CTNNA3: variants seen among roughly 807,000 people sequenced by gnomAD.
The protein encoded by CTNNA3 is catenin alpha 3.
Under a neutral mutation model 95.7 loss-of-function variants are expected in CTNNA3, and 76 were observed. That is an observed-to-expected ratio of 0.79 (90% CI 0.66 to 0.96). The LOEUF (loss-of-function observed/expected upper bound fraction) is 0.96. Among genes scored for constraint, CTNNA3 ranks in the 40% least tolerant of loss-of-function variants. The pLI, the probability that CTNNA3 is intolerant of heterozygous loss-of-function variation, is 0.00. For missense variants in CTNNA3, 1,191 were observed against 1,089.8 expected (o/e 1.09, Z -1.31); for synonymous variants, 431 against 374.4 (o/e 1.15, Z -1.74).
intron 13 of CTNNA3, among the ~76,000 whole-genome samples, chr10:66,136,496 A>C (rs1589516730): frequency 7.9e-6 from 1 of 126,210 alleles, no homozygotes; most frequent in South Asian, 3.4e-4. Flanking sequence ...TAATTTCTTC[A>C]CTTTTTTTTT....
chr10:66,246,935 C>A (rs1352054828), intron 13 of CTNNA3, among the ~76,000 whole-genome samples: 1 of 151,554 alleles, frequency 6.6e-6, no homozygotes, highest in Admixed American at 6.6e-5. Flanking sequence ...TGCCTGTAGT[C>A]CCAGTTACTC....
At chr10:66,774,453 C>G (rs918562466) in intron 8 of CTNNA3, among the ~76,000 whole-genome samples, 8 of 152,108 alleles carry the variant, frequency 5.3e-5, no homozygotes, top group African/African-American at 1.9e-4. Context: ...TCCATGATTA[C>G]AAGTGTAAAT....
intron 7 of CTNNA3, among the ~76,000 whole-genome samples, chr10:67,175,788 T>C (rs889057922): frequency 2.0e-4 from 31 of 152,244 alleles, no homozygotes; most frequent in African/African-American, 7.5e-4. Context: ...CCCAGAAAAA[T>C]ATCCATGCTT....
chr10:66,547,343 C>CTTTATTTTTTTTTTTTTTTTTTTTTTTT (rs1246714246), intron 10 of CTNNA3, among the ~76,000 whole-genome samples: 1 of 83,132 alleles, frequency 1.2e-5, no homozygotes, highest in Non-Finnish European at 2.2e-5. Context: ...ATTTTTCTTT[C>CTTTATTTTTTTTTTTTTTTTTTTTTTTT]TTTCTTTTTT....
At chr10:66,831,358 A>G (rs1589305401) in intron 7 of CTNNA3, among the ~76,000 whole-genome samples, 1 of 152,174 alleles carries the variant, frequency 6.6e-6, no homozygotes, top group Non-Finnish European at 1.5e-5. Flanking sequence ...TGACTTTTCA[A>G]ATTTCTTAAT....
chr10:67,007,959 A>G (rs1293316527), intron 7 of CTNNA3, among the ~76,000 whole-genome samples: 2 of 152,028 alleles, frequency 1.3e-5, no homozygotes, highest in Non-Finnish European at 2.9e-5. Flanking sequence ...GACTCAAGCT[A>G]CCCACACTAT....
intron 1 of CTNNA3, among the ~76,000 whole-genome samples, chr10:67,703,889 C>G (rs1468029023): frequency 6.6e-6 from 1 of 152,212 alleles, no homozygotes; most frequent in East Asian, 1.9e-4. Flanking sequence ...ACTGTCTCAG[C>G]CCTAAATCTC....
At chr10:66,831,455 T>C (rs1307993047) in intron 7 of CTNNA3, among the ~76,000 whole-genome samples, 2 of 152,206 alleles carry the variant, frequency 1.3e-5, no homozygotes, top group African/African-American at 4.8e-5. Flanking sequence ...AAGCTTTCAC[T>C]CCACTAACTT....
intron 7 of CTNNA3, among the ~76,000 whole-genome samples, chr10:67,007,017 A>G (rs1259221540): frequency 6.6e-6 from 1 of 152,036 alleles, no homozygotes; most frequent in Non-Finnish European, 1.5e-5. Flanking sequence ...GCTGTTCTTG[A>G]ACTCCTGACC....
At chr10:67,488,379 T>C (rs1246355678) in intron 5 of CTNNA3, among the ~76,000 whole-genome samples, 1 of 152,170 alleles carries the variant, frequency 6.6e-6, no homozygotes, top group East Asian at 1.9e-4. Flanking sequence ...GATTTCTTTC[T>C]TCTTTTTGAG....
chr10:66,648,099 A>T (rs1845768296), intron 9 of CTNNA3, among the ~76,000 whole-genome samples: 1 of 152,020 alleles, frequency 6.6e-6, no homozygotes. Flanking sequence ...TTTCCATCCC[A>T]TTGGCCCTGC....
At chr10:67,726,590 ATAT>A (rs1489460815) in intron 1 of CTNNA3, among the ~76,000 whole-genome samples, 13 of 36,696 alleles carry the variant, frequency 3.5e-4, no homozygotes, top group Admixed American at 5.0e-4. Context: ...ATAATATGTA[ATAT>A]TATATTACAT....
chr10:66,882,225 C>T (rs1173222992), intron 7 of CTNNA3, among the ~76,000 whole-genome samples: 1 of 152,060 alleles, frequency 6.6e-6, no homozygotes, highest in Non-Finnish European at 1.5e-5. Context: ...TTACACTAAT[C>T]CTGATCAGGC....
intron 17 of CTNNA3, among the ~76,000 whole-genome samples, chr10:65,943,732 A>G (rs2077466069): frequency 6.6e-6 from 1 of 152,224 alleles, no homozygotes; most frequent in Admixed American, 6.5e-5. Context: ...TGGAGTCAGT[A>G]AGCAGTGCAA....
intron 2 of CTNNA3, among the ~76,000 whole-genome samples, chr10:67,619,931 T>G (rs1843773967): frequency 6.6e-6 from 1 of 152,032 alleles, no homozygotes; most frequent in African/African-American, 2.4e-5. Flanking sequence ...AAGGTCAGCT[T>G]AGCTTTCTTA....
At chr10:67,413,570 C>A (rs1845448362) in intron 5 of CTNNA3, among the ~76,000 whole-genome samples, 1 of 152,034 alleles carries the variant, frequency 6.6e-6, no homozygotes, top group South Asian at 2.1e-4. Flanking sequence ...TGGACTTCAA[C>A]TCAACACTTG....
At chr10:66,526,393 C>T (rs1841261646) in intron 10 of CTNNA3, among the ~76,000 whole-genome samples, 1 of 152,048 alleles carries the variant, frequency 6.6e-6, no homozygotes. Context: ...CGTCATGTTG[C>T]CCAGGCTGGT....
intron 13 of CTNNA3, among the ~76,000 whole-genome samples, chr10:66,187,002 G>A (rs532115041): frequency 3.9e-5 from 6 of 152,284 alleles, no homozygotes; most frequent in African/African-American, 1.4e-4. Context: ...GCCTGTGATT[G>A]CCTTGAAAAC....
At chr10:66,587,699 G>A (rs1431726243) in intron 10 of CTNNA3, among the ~76,000 whole-genome samples, 3 of 152,144 alleles carry the variant, frequency 2.0e-5, no homozygotes, top group African/African-American at 7.2e-5. Flanking sequence ...GCCCCACTCA[G>A]CTCCCATGCA....
Sources: allele counts gnomAD v4.1 joint callset (sites outside exome capture counted in the v4.1 genomes callset), GRCh38; gene constraint gnomAD v4.1.1; transcripts MANE v1.5; gene names NCBI Gene and HGNC (gene_info 2026-07-23, HGNC 2026-07-21).